The following GKAP1 variants were observed in gnomAD, a reference collection of about 807,000 sequenced individuals.
GKAP1 encodes the protein G kinase-anchoring protein 1.
In GKAP1, 31 loss-of-function variants were observed where a neutral mutation model predicts 56.7. The observed-to-expected ratio is 0.55, with a 90% CI of 0.41 to 0.74. The LOEUF (loss-of-function observed/expected upper bound fraction) is 0.74. Among genes scored for constraint, GKAP1 ranks in the 30% least tolerant of loss-of-function variants. GKAP1 has a pLI of 0.00. For synonymous variants in GKAP1, 151 were observed against 138.6 expected (o/e 1.09, Z -0.63); for missense variants, 364 against 402.3 (o/e 0.90, Z 0.82).
intron 7 of GKAP1, among the ~76,000 whole-genome samples, chr9:83,779,100 C>A (rs1286006784): frequency 6.6e-6 from 1 of 151,768 alleles, no homozygotes; most frequent in African/African-American, 2.4e-5. Context: ...AACACTATCC[C>A]CCAAATAAAT....
chr9:83,794,988 T>TA (rs1235569968), intron 4 of GKAP1, among the ~76,000 whole-genome samples: 6 of 151,748 alleles, frequency 4.0e-5, no homozygotes, highest in Admixed American at 6.6e-5. Flanking sequence ...CCACCTCCAC[T>TA]AAAAAACAAT....
At chr9:83,748,285 T>A in intron 10 of GKAP1, 24 bp downstream of exon 10, 1 of 1,503,452 alleles carries the variant, frequency 6.7e-7, no homozygotes, top group Non-Finnish European at 9.1e-7. Flanking sequence ...AACTTTTAAT[T>A]ACAAAAACAT....
chr9:83,744,669 G>A (rs150200575), intron 10 of GKAP1, among the ~76,000 whole-genome samples: 6 of 151,952 alleles, frequency 3.9e-5, no homozygotes, highest in East Asian at 1.9e-4. Flanking sequence ...CCTTTTTCTC[G>A]TAAGTATTGT....
chr9:83,787,534 T>C (rs144364259), intron 5 of GKAP1, among the ~76,000 whole-genome samples: 9 of 152,346 alleles, frequency 5.9e-5, no homozygotes, highest in African/African-American at 2.2e-4. Flanking sequence ...TCACTTCTTT[T>C]CATTTTGGAT....
In GKAP1 at chr9:83,768,830, ATG is replaced by A; in HGVS notation, c.724_725del (p.His242Ter). The A allele has an allele frequency of 6.2e-7, 1 of 1,611,872 alleles. No individual in the cohort carries two copies. The highest frequency in any genetic ancestry group is 1.7e-5 in the Admixed American group (1 of 59,796). On this transcript the variant is annotated frameshift_variant, in exon 8 of 13. Transcript: ENST00000376371. LOFTEE classifies it high-confidence loss of function. ...EYNGTDNCTA[H>X]EHNQEVVLKD... ...CTACTTTACATGCCTGGTTGTGTTC[ATG>A]AGCTGTACAATTATCTGTTCCATTA...
chr9:83,755,789 C>T (rs1943464794), intron 8 of GKAP1, among the ~76,000 whole-genome samples: 1 of 146,034 alleles, frequency 6.8e-6, no homozygotes, highest in Non-Finnish European at 1.5e-5. Flanking sequence ...CAGGTTTTAT[C>T]AAACTGGTAC....
rs1331784136 is a variant in GKAP1 at position 83,806,512 on chromosome 9, G to A, written c.6C>T (p.Ala2=). 1 of 1,610,708 alleles carries A rather than the reference G, an allele frequency of 6.2e-7. No homozygotes were observed. Among genetic ancestry groups the A allele is most frequent in the Non-Finnish European group, 8.5e-7 (1 of 1,178,986 alleles). Residue 2 remains alanine (A), a synonymous_variant, in exon 3 of 13, where the codon GCC becomes GCT. Coordinates refer to ENST00000376371, the MANE Select transcript of GKAP1 (RefSeq NM_025211.4). M[A]SAVLSSVPTT... is the part of the protein sequence containing the mutation. ...TGGGAACAGAACTAAGTACTGCTGA[G>A]GCCATCGTAAAGATTTTTCTTTTAA...
At chr9:83,749,553 C>G (rs567762981) in intron 9 of GKAP1, among the ~76,000 whole-genome samples, 1 of 152,038 alleles carries the variant, frequency 6.6e-6, no homozygotes, top group Non-Finnish European at 1.5e-5. Context: ...AGATTTAATA[C>G]ATTAATACAT....
chr9:83,792,427 G>T (rs1271828992), intron 4 of GKAP1, among the ~76,000 whole-genome samples: 1 of 152,162 alleles, frequency 6.6e-6, no homozygotes, highest in African/African-American at 2.4e-5. Context: ...TGAGAACCTA[G>T]AATCAATGTG....
intron 3 of GKAP1, among the ~76,000 whole-genome samples, chr9:83,805,371 T>C (rs1047694960): frequency 6.6e-6 from 1 of 151,982 alleles, no homozygotes; most frequent in South Asian, 2.1e-4. Context: ...CCAGAAACCT[T>C]TGTTCACTTG....
chr9:83,799,821 C>T (rs1484583906), intron 3 of GKAP1, among the ~76,000 whole-genome samples: 6 of 151,962 alleles, frequency 3.9e-5, no homozygotes, highest in Admixed American at 3.3e-4. Context: ...AAAAACTAGC[C>T]GGGTGTGGTG....
At chr9:83,784,170 G>C (rs554113942) in intron 6 of GKAP1, among the ~76,000 whole-genome samples, 3 of 151,892 alleles carry the variant, frequency 2.0e-5, no homozygotes, top group African/African-American at 7.2e-5. Flanking sequence ...GGGAGACTGA[G>C]GCATAAGAAT....
At chr9:83,762,662 A>AT (rs1192348467) in intron 8 of GKAP1, among the ~76,000 whole-genome samples, 1 of 152,150 alleles carries the variant, frequency 6.6e-6, no homozygotes, top group Non-Finnish European at 1.5e-5. Context: ...CTACAGAGCT[A>AT]TAGTAACCAA....
intron 3 of GKAP1, 121 bp downstream of exon 3, chr9:83,806,181 G>T: frequency 1.6e-6 from 1 of 632,890 alleles, no homozygotes; most frequent in Non-Finnish European, 2.7e-6. Context: ...ATTCATTGAA[G>T]TAATATTTTC....
intron 7 of GKAP1, among the ~76,000 whole-genome samples, chr9:83,773,034 T>C (rs1465159207): frequency 6.6e-6 from 1 of 152,140 alleles, no homozygotes; most frequent in African/African-American, 2.4e-5. Context: ...CTTTAAAAGT[T>C]AGACATAAAT....
chr9:83,792,173 G>C (rs1039237644), intron 4 of GKAP1, among the ~76,000 whole-genome samples: 2 of 152,198 alleles, frequency 1.3e-5, no homozygotes, highest in Admixed American at 1.3e-4. Context: ...GTACAAGGTA[G>C]TTTTAAGGAC....
chr9:83,750,987 C>T (rs1374876946), intron 9 of GKAP1, among the ~76,000 whole-genome samples: 1 of 152,138 alleles, frequency 6.6e-6, no homozygotes, highest in Admixed American at 6.6e-5. Context: ...AGGCGCGTGC[C>T]ACCAAGCCCG....
intron 4 of GKAP1, among the ~76,000 whole-genome samples, chr9:83,794,190 A>C (rs1944207279): frequency 6.6e-6 from 1 of 152,178 alleles, no homozygotes; most frequent in East Asian, 1.9e-4. Flanking sequence ...AAAATTAAAA[A>C]AGAGAGAGAA....
intron 2 of GKAP1, among the ~76,000 whole-genome samples, chr9:83,812,427 A>G (rs1944525089): frequency 6.6e-6 from 1 of 150,570 alleles, no homozygotes; most frequent in Admixed American, 6.6e-5. Flanking sequence ...GGCTCACTGC[A>G]GCCTCAACTT....
Sources: gnomAD v4.1 joint callset for allele counts (sites outside exome capture counted in the v4.1 genomes callset) on GRCh38, gnomAD v4.1.1 for gene constraint, MANE v1.5 for transcripts, NCBI Gene and HGNC (gene_info 2026-07-23, HGNC 2026-07-21) for gene names.